The following TAFA1 variants were observed in gnomAD, a reference collection of about 807,000 sequenced individuals.
TAFA1 encodes TAFA chemokine like family member 1, also known as chemokine-like protein TAFA-1.
TAFA1 carries 4 observed loss-of-function variants against 18.5 expected under a neutral mutation model. That is an observed-to-expected ratio of 0.22 (90% CI 0.11 to 0.49). The LOEUF (loss-of-function observed/expected upper bound fraction) is 0.49, where lower values mean the gene tolerates loss of function less well. TAFA1 is among the 20% of genes least tolerant of loss of function. The pLI is 0.98. For missense variants in TAFA1, 147 were observed against 169.0 expected (o/e 0.87, Z 0.72); for synonymous variants, 56 against 55.2 (o/e 1.01, Z -0.06).
intron 3 of TAFA1, among the ~76,000 whole-genome samples, chr3:68,534,023 G>T (rs541886841): frequency 2.0e-5 from 3 of 151,988 alleles, no homozygotes; most frequent in East Asian, 3.9e-4. Flanking sequence ...TATTTTACCC[G>T]TATATATATG....
intron 4 of TAFA1, among the ~76,000 whole-genome samples, chr3:68,542,302 G>A (rs757469698): frequency 2.0e-4 from 30 of 152,074 alleles, no homozygotes; most frequent in African/African-American, 4.6e-4. Flanking sequence ...ATTCCTCTGC[G>A]TCTGCTTGAT....
At chr3:68,060,028 C>T (rs992736872) in intron 2 of TAFA1, among the ~76,000 whole-genome samples, 2 of 151,594 alleles carry the variant, frequency 1.3e-5, no homozygotes, top group African/African-American at 4.9e-5. Context: ...CTCCTGAATG[C>T]TAAAGGGGCT....
At chr3:68,167,773 A>C (rs569000203) in intron 2 of TAFA1, among the ~76,000 whole-genome samples, 1 of 152,180 alleles carries the variant, frequency 6.6e-6, no homozygotes, top group South Asian at 2.1e-4. Context: ...TAGTTTAATA[A>C]AAGTTACAGA....
chr3:68,108,631 A>G lies in TAFA1; in HGVS notation c.118+101887A>G, dbSNP rs151328986. Among the ~76,000 whole-genome samples the G allele has an allele frequency of 9.1e-3, 1,380 of 152,282 alleles. 18 individuals are homozygous for G. Among genetic ancestry groups the G allele is most frequent in the East Asian group, 0.015 (77 of 5,188 alleles). On this transcript the variant is annotated intron_variant, in intron 2 of 4. Coordinates refer to ENST00000478136, the MANE Select transcript of TAFA1 (RefSeq NM_213609.4). ...AAACTAGACAGGAACAAATTAATCT[A>G]GACAGCATAAAGCTTGACAAGCACA...
chr3:68,209,762 G>A (rs942183130), intron 2 of TAFA1, among the ~76,000 whole-genome samples: 1 of 151,918 alleles, frequency 6.6e-6, no homozygotes, highest in African/African-American at 2.4e-5. Context: ...TTGCTGTTAA[G>A]TTAGGGAACT....
rs147633950 is a variant in TAFA1 at position 68,132,049 on chromosome 3, G to C, written c.118+125305G>C. 5.9e-5 allele frequency among the ~76,000 whole-genome samples: 9 copies of C among 152,182 alleles called. No homozygotes were observed. In the South Asian group the frequency reaches 1.9e-3, roughly 32 times the overall value. ...CCTCTAGCCCCTCATCCCCCGGACA[G>C]GCCCAAGTGTGTGATGTTCCTCTCT... On this transcript the variant is annotated intron_variant, in intron 2 of 4. Coordinates refer to ENST00000478136, the MANE Select transcript of TAFA1 (RefSeq NM_213609.4).
intron 2 of TAFA1, among the ~76,000 whole-genome samples, chr3:68,360,888 A>G (rs1559633197): frequency 6.6e-6 from 1 of 152,052 alleles, no homozygotes. Context: ...ATTGAATATT[A>G]AGCTGGCGAG....
chr3:68,477,825 T>C (rs1015856494), intron 3 of TAFA1, among the ~76,000 whole-genome samples: 1 of 152,226 alleles, frequency 6.6e-6, no homozygotes, highest in East Asian at 1.9e-4. Context: ...CTTGGTATTA[T>C]CAAGTTTAGG....
At chr3:68,476,091 T>A (rs1327231324) in intron 3 of TAFA1, among the ~76,000 whole-genome samples, 6 of 152,162 alleles carry the variant, frequency 3.9e-5, no homozygotes, top group African/African-American at 1.2e-4. Flanking sequence ...TTGCAAAAAT[T>A]TCAGGACATA....
At chr3:68,441,993 G>C (rs967185764) in intron 3 of TAFA1, among the ~76,000 whole-genome samples, 2 of 152,102 alleles carry the variant, frequency 1.3e-5, no homozygotes, top group African/African-American at 4.8e-5. Flanking sequence ...CTGATACATG[G>C]GCTGTAGCCT....
chr3:68,032,379 G>A (rs1307006840), intron 2 of TAFA1, among the ~76,000 whole-genome samples: 2 of 152,044 alleles, frequency 1.3e-5, no homozygotes, highest in Non-Finnish European at 2.9e-5. Flanking sequence ...TGACTCTCAT[G>A]CCATATAAAT....
At position 68,105,361 on chromosome 3, in the gene TAFA1, C is replaced by G. The variant is rs147976740; in HGVS notation, c.118+98617C>G. ...GAGACTTTGCAAATGGACAGAAACA[C>G]AGTCGTGTCAAAATAATTTTTAGAC... On this transcript the variant is annotated intron_variant, in intron 2 of 4. Coordinates refer to ENST00000478136, the MANE Select transcript of TAFA1 (RefSeq NM_213609.4). Among the ~76,000 whole-genome samples, 31 of 152,262 alleles carry G rather than the reference C, an allele frequency of 2.0e-4. No individual in the cohort carries two copies. The East Asian group carries it at 6.0e-3, about 29-fold the overall frequency.
chr3:68,218,125 C>T (rs2066682294), intron 2 of TAFA1, among the ~76,000 whole-genome samples: 1 of 151,944 alleles, frequency 6.6e-6, no homozygotes, highest in Non-Finnish European at 1.5e-5. Context: ...TTCAATTTTC[C>T]AGGATTAATT....
chr3:68,472,531 CACAA>C (rs2072019240), intron 3 of TAFA1, among the ~76,000 whole-genome samples: 2 of 144,800 alleles, frequency 1.4e-5, no homozygotes, highest in South Asian at 4.2e-4. Flanking sequence ...CACACACACA[CACAA>C]ATACACATAA....
intron 3 of TAFA1, among the ~76,000 whole-genome samples, chr3:68,483,965 C>G (rs1029685121): frequency 6.6e-6 from 1 of 152,218 alleles, no homozygotes; most frequent in African/African-American, 2.4e-5. Flanking sequence ...GAAACACAAT[C>G]TGATACGTAC....
chr3:68,316,729 C>A (rs1491758), intron 2 of TAFA1, among the ~76,000 whole-genome samples: 28,238 of 152,092 alleles, frequency 0.19, 3,688 homozygotes, highest in East Asian at 0.44. Context: ...GCCAGACATA[C>A]AACAGTGTCT....
chr3:68,448,114 C>T (rs538744776), intron 3 of TAFA1, among the ~76,000 whole-genome samples: 1 of 152,284 alleles, frequency 6.6e-6, no homozygotes, highest in South Asian at 2.1e-4. Context: ...GAGACATTTG[C>T]ATCCCTGGGG....
chr3:68,103,137 G>T (rs772527928), intron 2 of TAFA1, among the ~76,000 whole-genome samples: 3 of 152,214 alleles, frequency 2.0e-5, no homozygotes, highest in Non-Finnish European at 2.9e-5. Context: ...GTTCCCTGCA[G>T]TGCAGGCTGG....
At chr3:68,466,964 A>T (rs115137397) in intron 3 of TAFA1, among the ~76,000 whole-genome samples, 2,456 of 152,250 alleles carry the variant, frequency 0.016, 42 homozygotes, top group Middle Eastern at 0.041. Context: ...TTCAAAGGGG[A>T]GGGAGTGTAC....
Sources: allele counts gnomAD v4.1 joint callset (sites outside exome capture counted in the v4.1 genomes callset), GRCh38; gene constraint gnomAD v4.1.1; transcripts MANE v1.5; gene names NCBI Gene and HGNC (gene_info 2026-07-23, HGNC 2026-07-21).